The following ZNF627 variants were observed in gnomAD, a reference collection of about 807,000 sequenced individuals.
ZNF627 encodes the protein zinc finger protein 627.
In ZNF627, 12 loss-of-function variants were observed where a neutral mutation model predicts 10.6. The ratio of observed to expected loss-of-function variants is 1.13; its 90% CI spans 0.73 to 1.84. The LOEUF is 1.84. ZNF627 is among the 40% of genes most tolerant of loss of function. The pLI, the probability that ZNF627 is intolerant of heterozygous loss-of-function variation, is 0.00. For synonymous variants in ZNF627, 176 were observed against 187.1 expected, an observed-to-expected ratio of 0.94 and a Z score of 0.48; for missense variants, 504 against 568.4, an observed-to-expected ratio of 0.89 and a Z score of 1.15.
At chr19:11,604,087 CAT>C (rs910959329) in intron 1 of ZNF627, 1 of 151,672 alleles carries the variant, frequency 6.6e-6, no homozygotes, top group Non-Finnish European at 1.5e-5. Flanking sequence ...AATATGATAT[CAT>C]ATATATCATA....
intron 1 of ZNF627, among the ~76,000 whole-genome samples, chr19:11,599,236 G>A (rs1475089321): frequency 6.6e-6 from 1 of 152,044 alleles, no homozygotes; most frequent in Non-Finnish European, 1.5e-5. Context: ...TCTTAGTGGA[G>A]GAGCTGGGTG....
At chr19:11,603,567 G>T in intron 1 of ZNF627, among the ~76,000 whole-genome samples, 1 of 151,708 alleles carries the variant, frequency 6.6e-6, no homozygotes, top group Admixed American at 6.6e-5. Flanking sequence ...GATTATAGGT[G>T]TGAGCCACTA....
At chr19:11,603,633 T>C (rs1394803547) in intron 1 of ZNF627, among the ~76,000 whole-genome samples, 1 of 152,000 alleles carries the variant, frequency 6.6e-6, no homozygotes, top group East Asian at 1.9e-4. Flanking sequence ...CTATATGTTA[T>C]ATTGTATGCC....
intron 1 of ZNF627, among the ~76,000 whole-genome samples, chr19:11,611,425 C>A (rs372184024): frequency 4.6e-5 from 7 of 152,254 alleles, no homozygotes; most frequent in Admixed American, 2.6e-4. Context: ...ACCTCCTGGG[C>A]TCAAGGAATC....
chr19:11,615,338 C>T (rs1973848412), intron 3 of ZNF627, among the ~76,000 whole-genome samples: 2 of 150,842 alleles, frequency 1.3e-5, no homozygotes, highest in Admixed American at 1.3e-4. Context: ...TGGTGACTCA[C>T]GCCTGTAATC....
At chr19:11,606,299 T>C (rs1215486763) in intron 1 of ZNF627, among the ~76,000 whole-genome samples, 1 of 151,298 alleles carries the variant, frequency 6.6e-6, no homozygotes, top group East Asian at 1.9e-4. Context: ...ATCATGCCAC[T>C]GCACTCCAGT....
intron 1 of ZNF627, among the ~76,000 whole-genome samples, chr19:11,611,417 C>T (rs1209645712): frequency 2.0e-5 from 3 of 152,152 alleles, no homozygotes. Flanking sequence ...CAGTCTCAAC[C>T]TCCTGGGCTC....
chr19:11,616,496 G>A (rs776531995), intron 3 of ZNF627, among the ~76,000 whole-genome samples, 199 bp from the exon 4 acceptor site: 10 of 152,046 alleles, frequency 6.6e-5, no homozygotes, highest in Non-Finnish European at 1.2e-4. Flanking sequence ...GGTGGCTCAC[G>A]CCTGTAATCC....
At chr19:11,605,641 T>G (rs540466071) in intron 1 of ZNF627, among the ~76,000 whole-genome samples, 45 of 152,250 alleles carry the variant, frequency 3.0e-4, no homozygotes, top group Non-Finnish European at 4.4e-4. Context: ...ACCACCCCAA[T>G]GATTAAATTA....
chr19:11,614,504 T>A (rs753029482), intron 1 of ZNF627, 23 bp from the exon 2 acceptor site: 1 of 1,613,500 alleles, frequency 6.2e-7, no homozygotes, highest in East Asian at 2.2e-5. Context: ...ACCTTCCTCC[T>A]CCACACATGG....
chr19:11,597,934 C>T (rs750989933), intron 1 of ZNF627, among the ~76,000 whole-genome samples: 1 of 152,174 alleles, frequency 6.6e-6, no homozygotes, highest in African/African-American at 2.4e-5. Context: ...TCTGTGGCCG[C>T]CCCCCACAGT....
At chr19:11,612,320 C>T (rs1448196092) in intron 1 of ZNF627, among the ~76,000 whole-genome samples, 7 of 150,684 alleles carry the variant, frequency 4.6e-5, no homozygotes, top group African/African-American at 1.5e-4. Context: ...TGGGGTTTCA[C>T]TGTGTTAGCC....
At position 11,618,210 on chromosome 19, in the gene ZNF627, A is replaced by T; in HGVS notation, c.*321A>T. 4.0e-6 allele frequency: 1 copy of T among 250,308 alleles called. No individual in the cohort carries two copies. Among genetic ancestry groups the T allele is most frequent in the Non-Finnish European group, 7.6e-6 (1 of 131,744 alleles). The allele number at this position is 250,308 out of a possible 1,614,324, so 15.5% of individuals were successfully genotyped here. A position where few individuals can be genotyped will look rare whatever the true frequency, so the allele number is the denominator to read the frequency against. Reference sequence around the variant, plus strand: ...GAAGTAAGTTAAGAAGGCATTAGTCATGGTTTGGAAGCACCATACAGGGAG... The same window carrying T: ...GAAGTAAGTTAAGAAGGCATTAGTCTTGGTTTGGAAGCACCATACAGGGAG... On this transcript the variant is annotated 3_prime_UTR_variant, in exon 4 of 4. Transcript: ENST00000361113.
chr19:11,603,455 A>G (rs910951893), intron 1 of ZNF627, among the ~76,000 whole-genome samples: 12 of 146,332 alleles, frequency 8.2e-5, no homozygotes, highest in African/African-American at 3.0e-4. Context: ...TAATTTTTGT[A>G]TTTTTTTTTT....
chr19:11,597,686 G>C, intron 1 of ZNF627, 56 bp downstream of exon 1: 1 of 1,328,166 alleles, frequency 7.5e-7, no homozygotes, highest in Non-Finnish European at 9.7e-7. Context: ...GTTGGAACCG[G>C]CCGGAACCGG....
rs754431824 is a variant in ZNF627, at chr19:11,618,069, G to T, written c.*180G>T. 5.7e-5 allele frequency: 30 copies of T among 523,734 alleles called. No individual in the cohort carries two copies. The highest frequency in any genetic ancestry group is 9.1e-5 in the Non-Finnish European group (28 of 308,464). 32.4% of individuals were successfully genotyped at this position (523,734 alleles called of 1,614,324 possible). A position where few individuals can be genotyped will look rare whatever the true frequency, so the allele number is the denominator to read the frequency against. On this transcript the variant is annotated 3_prime_UTR_variant, in exon 4 of 4. Transcript: ENST00000361113. Reference sequence around the variant, plus strand: ...ACAGTAAAACCTAGAGTTGGAGTTGGATCTCTGGATTGTGTTATGTCAGTG... The same window carrying T: ...ACAGTAAAACCTAGAGTTGGAGTTGTATCTCTGGATTGTGTTATGTCAGTG...
In ZNF627 at chr19:11,617,845, G is replaced by A; in HGVS notation, c.1342G>A (p.Glu448Lys). 1 of 1,593,004 alleles carries A rather than the reference G, an allele frequency of 6.3e-7. No individual in the cohort carries two copies. Among genetic ancestry groups the A allele is most frequent in the Non-Finnish European group, 8.5e-7 (1 of 1,172,636 alleles). The stretch of plus-strand genomic sequence containing the variant: ...AATTCATACTGGAGAGAAACCCTAT[G>A]AGAACCCTAACCCTAACGCTTCAGT... ...EKIHTGEKPY[E>K]NPNPNASVVP... Residue 448 changes from glutamate (E) to lysine (K), a missense_variant, in exon 4 of 4, where the codon GAG becomes AAG. Physicochemically the swap from Glu to Lys is moderately conservative, Grantham distance 56. Transcript: ENST00000361113.
In ZNF627 at chr19:11,612,185, A is replaced by G. The variant is rs144697723; in HGVS notation, c.4-2342A>G. Among the ~76,000 whole-genome samples the G allele has an allele frequency of 6.5e-3, 860 of 131,736 alleles. 7 individuals are homozygous for G. Among genetic ancestry groups the G allele is most frequent in the African/African-American group, 0.023 (781 of 34,312 alleles). The allele number at this position is 131,736 out of a possible 152,430, so 86.4% of individuals were successfully genotyped here. Reference sequence around the variant, plus strand: ...GCCCAGGCTGGAGTGCAGTGGTGCGATCTCAGCTCACTGCAAGCTCCACCT... The same window carrying G: ...GCCCAGGCTGGAGTGCAGTGGTGCGGTCTCAGCTCACTGCAAGCTCCACCT... On this transcript the variant is annotated intron_variant, in intron 1 of 3. Transcript: ENST00000361113.
chr19:11,610,339 C>G (rs1318910735), intron 1 of ZNF627, among the ~76,000 whole-genome samples: 1 of 152,094 alleles, frequency 6.6e-6, no homozygotes, highest in African/African-American at 2.4e-5. Context: ...TTTAGATGGT[C>G]TATCATATGT....
Sources: gnomAD v4.1 joint callset for allele counts (sites outside exome capture counted in the v4.1 genomes callset) on GRCh38, gnomAD v4.1.1 for gene constraint, MANE v1.5 for transcripts, NCBI Gene and HGNC (gene_info 2026-07-23, HGNC 2026-07-21) for gene names.